Variants in TBCK observed in about 807,000 individuals in gnomAD.
TBCK encodes TBC domain-containing protein kinase-like protein.
In TBCK, 99 loss-of-function variants were observed where a neutral mutation model predicts 113.4. That is an observed-to-expected ratio of 0.87 (90% CI 0.74 to 1.03). The LOEUF (loss-of-function observed/expected upper bound fraction) is 1.03. TBCK is among the 50% of genes least tolerant of loss of function. The probability of loss-of-function intolerance (pLI) is 0.00; values close to 1 mark genes in which losing one functional copy is unlikely to be tolerated. For missense variants in TBCK, 1,045 were observed against 1,061.3 expected, an observed-to-expected ratio of 0.98 and a Z score of 0.21; for synonymous variants, 369 against 370.8, an observed-to-expected ratio of 1.00 and a Z score of 0.05.
At chr4:106,087,582 T>C (rs1739658016) in intron 25 of TBCK, among the ~76,000 whole-genome samples, 2 of 152,160 alleles carry the variant, frequency 1.3e-5, no homozygotes, top group South Asian at 4.1e-4. Context: ...AAAAAACTAT[T>C]TTAAATTTCA....
At chr4:106,205,074 A>AT (rs978010091) in intron 20 of TBCK, among the ~76,000 whole-genome samples, 5 of 152,128 alleles carry the variant, frequency 3.3e-5, no homozygotes, top group African/African-American at 7.2e-5. Flanking sequence ...CCAAACAATG[A>AT]TTTTTTTAAA....
intron 3 of TBCK, among the ~76,000 whole-genome samples, chr4:106,290,708 T>C (rs1294926027): frequency 6.6e-6 from 1 of 152,168 alleles, no homozygotes; most frequent in Non-Finnish European, 1.5e-5. Flanking sequence ...TACCTAGGAC[T>C]GCGCAGCAAG....
intron 15 of TBCK, 118 bp from the exon 16 acceptor site, chr4:106,233,768 C>A: frequency 2.7e-6 from 2 of 728,262 alleles, no homozygotes; most frequent in Admixed American, 5.4e-5. Flanking sequence ...TACAGATAAG[C>A]ACATTCAAAC....
intron 3 of TBCK, among the ~76,000 whole-genome samples, chr4:106,294,529 A>T (rs538043159): frequency 1.3e-4 from 20 of 150,854 alleles, no homozygotes; most frequent in Non-Finnish European, 2.7e-4. Flanking sequence ...TCACCCAGGC[A>T]GGAGTGCGGT....
chr4:106,300,731 T>C (rs924124116), intron 2 of TBCK, among the ~76,000 whole-genome samples: 2 of 152,202 alleles, frequency 1.3e-5, no homozygotes, highest in South Asian at 2.1e-4. Context: ...GTAAAGTCTA[T>C]AATCAGTTTA....
At chr4:106,281,033 A>G (rs1579495631) in intron 3 of TBCK, among the ~76,000 whole-genome samples, 2 of 152,262 alleles carry the variant, frequency 1.3e-5, no homozygotes, top group East Asian at 3.9e-4. Context: ...CATTTTAACA[A>G]TATTGATTAG....
chr4:106,085,992 G>T (rs58780037), intron 25 of TBCK, among the ~76,000 whole-genome samples: 1,710 of 152,148 alleles, frequency 0.011, 31 homozygotes, highest in African/African-American at 0.039. Context: ...ACATCAGAAA[G>T]CTAAAAAGAT....
intron 22 of TBCK, among the ~76,000 whole-genome samples, chr4:106,179,267 A>C (rs1035180269): frequency 6.6e-6 from 1 of 151,276 alleles, no homozygotes; most frequent in African/African-American, 2.4e-5. Flanking sequence ...GCTCTTTATT[A>C]TTTTTCCTTC....
chr4:106,095,529 C>T lies in TBCK; in HGVS notation c.2524G>A (p.Gly842Arg), dbSNP rs764843915. The T allele has an allele frequency of 1.2e-6, 2 of 1,613,936 alleles. No homozygotes were observed. The highest frequency in any genetic ancestry group is 1.1e-5 in the South Asian group (1 of 91,072). ...TGCCCCACGATGACAATGACCTTCC[C>T]TTTGAAGTTCTGGAGCATAGCAGTG... ...PYTAMLQNFK[G>R]KVIVIVGHVA... Residue 842 changes from glycine to arginine, a missense_variant, in exon 25 of 26, where the codon GGG becomes AGG. Coordinates refer to ENST00000394708, the MANE Select transcript of TBCK (RefSeq NM_001163435.3).
chr4:106,164,792 A>T (rs185579767), intron 23 of TBCK, among the ~76,000 whole-genome samples: 1 of 151,700 alleles, frequency 6.6e-6, no homozygotes, highest in African/African-American at 2.4e-5. Flanking sequence ...AACTTTGTAG[A>T]CTGGCATTTA....
In TBCK at chr4:106,194,702, G is replaced by A. The variant is rs371418828; in HGVS notation, c.1897+16C>T. The A allele has an allele frequency of 4.5e-5, 71 of 1,589,614 alleles. No homozygotes were observed. In the Middle Eastern group the frequency reaches 8.3e-4, roughly 19 times the overall value. Reference sequence around the variant, plus strand: ...GCTAATACAATATCAAAAAAACCGGGGGAAGTCATACTTACGAGTAAACAT... The same window carrying A: ...GCTAATACAATATCAAAAAAACCGGAGGAAGTCATACTTACGAGTAAACAT... On this transcript the variant is annotated intron_variant, in intron 21 of 25. Coordinates refer to ENST00000394708, the MANE Select transcript of TBCK (RefSeq NM_001163435.3).
At chr4:106,072,143 G>A (rs999161119) in intron 25 of TBCK, among the ~76,000 whole-genome samples, 4 of 152,100 alleles carry the variant, frequency 2.6e-5, no homozygotes, top group Non-Finnish European at 4.4e-5. Flanking sequence ...TCATTATGAC[G>A]CTAGCTGGTT....
At chr4:106,295,403 G>T (rs370287074) in intron 2 of TBCK, among the ~76,000 whole-genome samples, 11 of 151,446 alleles carry the variant, frequency 7.3e-5, no homozygotes, top group African/African-American at 1.9e-4. Context: ...TCTTACATAC[G>T]TCAGGAAAAA....
At chr4:106,164,456 T>C (rs552856185) in intron 23 of TBCK, 1 of 152,074 alleles carries the variant, frequency 6.6e-6, no homozygotes, top group African/African-American at 2.4e-5. Context: ...TATGTTAATG[T>C]ATTTTCTAGA....
intron 3 of TBCK, among the ~76,000 whole-genome samples, chr4:106,288,316 C>T (rs1405979784): frequency 2.0e-5 from 3 of 152,010 alleles, no homozygotes; most frequent in Non-Finnish European, 4.4e-5. Flanking sequence ...ATCACTTGAA[C>T]CTGGGAGGTG....
intron 25 of TBCK, among the ~76,000 whole-genome samples, chr4:106,075,608 T>C (rs1232673191): frequency 6.6e-6 from 1 of 152,224 alleles, no homozygotes; most frequent in Non-Finnish European, 1.5e-5. Flanking sequence ...ACATCATAGA[T>C]GACGTATTTA....
chr4:106,179,838 G>A (rs2149771322), intron 22 of TBCK, among the ~76,000 whole-genome samples: 1 of 152,074 alleles, frequency 6.6e-6, no homozygotes, highest in Non-Finnish European at 1.5e-5. Flanking sequence ...GAAGTGGGGT[G>A]CTGAGTCCCC....
chr4:106,106,843 C>T (rs1400398592), intron 24 of TBCK, among the ~76,000 whole-genome samples: 1 of 152,018 alleles, frequency 6.6e-6, no homozygotes, highest in African/African-American at 2.4e-5. Flanking sequence ...GGTAGAGTGG[C>T]AAACAGGATA....
At chr4:106,270,637 T>C (rs1338426428) in intron 3 of TBCK, among the ~76,000 whole-genome samples, 1 of 152,214 alleles carries the variant, frequency 6.6e-6, no homozygotes, top group Non-Finnish European at 1.5e-5. Flanking sequence ...GTTCAGAATT[T>C]TGATTTGAGA....
Sources: allele counts gnomAD v4.1 joint callset (sites outside exome capture counted in the v4.1 genomes callset), GRCh38; gene constraint gnomAD v4.1.1; transcripts MANE v1.5; gene names NCBI Gene and HGNC (gene_info 2026-07-23, HGNC 2026-07-21).